SH3PXD2B: variants seen among roughly 807,000 people sequenced by gnomAD.
The protein encoded by SH3PXD2B is SH3 and PX domain-containing protein 2B.
Under a neutral mutation model 73.1 loss-of-function variants are expected in SH3PXD2B, and 37 were observed. The observed-to-expected ratio is 0.51, with a 90% confidence interval of 0.39 to 0.67. The LOEUF is 0.67. SH3PXD2B is among the 30% of genes least tolerant of loss of function. The pLI, the probability that SH3PXD2B is intolerant of heterozygous loss-of-function variation, is 0.00. For synonymous variants in SH3PXD2B, 457 were observed against 480.5 expected (o/e 0.95, Z 0.64); for missense variants, 1,053 against 1,197.8 (o/e 0.88, Z 1.78).
intron 4 of SH3PXD2B, among the ~76,000 whole-genome samples, chr5:172,382,896 T>TTG: frequency 9.3e-6 from 1 of 107,524 alleles, no homozygotes; most frequent in Non-Finnish European, 1.8e-5. Context: ...GCCTGGCTAA[T>TTG]TTTTTTTTTT....
chr5:172,401,956 C>G (rs952502742), intron 3 of SH3PXD2B, among the ~76,000 whole-genome samples: 1 of 152,172 alleles, frequency 6.6e-6, no homozygotes, highest in Non-Finnish European at 1.5e-5. Flanking sequence ...ATCTGGGCAC[C>G]TTGAAAAAAG....
chr5:172,335,770 C>T lies in SH3PXD2B; in HGVS notation c.*2599G>A, dbSNP rs1028429665. 4.9e-6 allele frequency: 6 copies of T among 1,230,672 alleles called. No homozygotes were observed. In the African/African-American group the frequency reaches 9.3e-5, roughly 19 times the overall value. 76.2% of individuals were successfully genotyped at this position (1,230,672 alleles called of 1,614,324 possible). A position where few individuals can be genotyped will look rare whatever the true frequency, so the allele number is the denominator to read the frequency against. ...GGACAGCTAGGAGAGTGACTGGCCA[C>T]CCTGACCCACCCACTGCCTGGGGAA... On this transcript the variant is annotated 3_prime_UTR_variant, in exon 13 of 13. Coordinates refer to ENST00000311601, the MANE Select transcript of SH3PXD2B (RefSeq NM_001017995.3).
In SH3PXD2B at chr5:172,353,775, C is replaced by T. The variant is rs1757210145; in HGVS notation, c.785+113G>A. On this transcript the variant is annotated intron_variant, in intron 9 of 12. Coordinates refer to ENST00000311601, the MANE Select transcript of SH3PXD2B (RefSeq NM_001017995.3). The surrounding 1 kb of genome is among the most constrained non-coding windows in gnomAD (Gnocchi z 4.3). ...CCTTTTATGGTTCAGGCGGAAACTT[C>T]GCCCAGATGCAATCACTTACCGACC... 8.3e-6 allele frequency: 7 copies of T among 839,964 alleles called. 1 individual carries two copies. The highest frequency in any genetic ancestry group is 6.6e-5 in the African/African-American group (4 of 60,182). 52.0% of individuals were successfully genotyped at this position (839,964 alleles called of 1,614,324 possible).
chr5:172,338,030 G>A lies in SH3PXD2B; in HGVS notation c.*339C>T. On this transcript the variant is annotated 3_prime_UTR_variant, in exon 13 of 13. Transcript: ENST00000311601. The surrounding 1 kb of genome is among the most constrained non-coding windows in gnomAD (Gnocchi z 5.1). ...CCTTGCTGGAGTTTCTCCAGGCAAT[G>A]GGATCCAGTCCTGGAGGTCTTGGAG... The A allele has an allele frequency of 1.6e-6, 2 of 1,235,080 alleles. No individual in the cohort carries two copies. The highest frequency in any genetic ancestry group is 2.0e-6 in the Non-Finnish European group (2 of 978,806). 76.5% of individuals were successfully genotyped at this position (1,235,080 alleles called of 1,614,324 possible).
chr5:172,360,625 A>T (rs1757375837), intron 7 of SH3PXD2B, among the ~76,000 whole-genome samples: 1 of 152,206 alleles, frequency 6.6e-6, no homozygotes, highest in Non-Finnish European at 1.5e-5. Context: ...TGAGGTCAGT[A>T]GTTCGAGACC....
At chr5:172,416,696 CTTTTT>C (rs202242720) in intron 2 of SH3PXD2B, among the ~76,000 whole-genome samples, 2 of 62,262 alleles carry the variant, frequency 3.2e-5, no homozygotes, top group Admixed American at 2.1e-4. Flanking sequence ...CTCTCTCTCT[CTTTTT>C]TTTTTTTTTT....
At chr5:172,395,995 T>G (rs1758286852) in intron 3 of SH3PXD2B, among the ~76,000 whole-genome samples, 1 of 151,968 alleles carries the variant, frequency 6.6e-6, no homozygotes, top group African/African-American at 2.4e-5. Context: ...TCTAAGACGG[T>G]TTCTGGTGAG....
chr5:172,359,348 C>T (rs970543309), intron 7 of SH3PXD2B, among the ~76,000 whole-genome samples: 12 of 144,506 alleles, frequency 8.3e-5, no homozygotes, highest in Non-Finnish European at 1.5e-5. Flanking sequence ...GATTGTGCCA[C>T]TGCACTCCAG....
At chr5:172,436,954 G>T (rs1759403156) in intron 1 of SH3PXD2B, among the ~76,000 whole-genome samples, 1 of 152,222 alleles carries the variant, frequency 6.6e-6, no homozygotes, top group Non-Finnish European at 1.5e-5. Flanking sequence ...TCAGAAGGCA[G>T]CTAGCTGTTA....
In SH3PXD2B at chr5:172,335,235, G is replaced by T; in HGVS notation, c.*3134C>A. On this transcript the variant is annotated 3_prime_UTR_variant, in exon 13 of 13. Coordinates refer to ENST00000311601, the MANE Select transcript of SH3PXD2B (RefSeq NM_001017995.3). ...CACAATTGTGTTAATAAGCAGGGGT[G>T]AGGGGAAGAAAAAAAAATCTCTGCC... The T allele has an allele frequency of 9.5e-7, 1 of 1,052,210 alleles. No homozygotes were observed. The highest frequency in any genetic ancestry group is 1.1e-6 in the Non-Finnish European group (1 of 874,188). 65.2% of individuals were successfully genotyped at this position (1,052,210 alleles called of 1,614,324 possible).
Position 172,346,148 on chromosome 5 carries a change from G to A in SH3PXD2B, c.1176C>T (p.Gly392=), listed in dbSNP as rs752045016. 5 of 1,614,112 alleles carry A rather than the reference G, an allele frequency of 3.1e-6. No homozygotes were observed. In the South Asian group the frequency reaches 4.4e-5, roughly 14 times the overall value. ...TIPDGISFQA[G]LKVEVIEKNL... is the part of the protein sequence containing the mutation. Reference sequence around the variant, plus strand: ...CAGGGCCACTCACCTCGACCTTCAGGCCTGCCTGGAAGCTGATGCCGTCTG... The same window carrying A: ...CAGGGCCACTCACCTCGACCTTCAGACCTGCCTGGAAGCTGATGCCGTCTG... The change falls in exon 12 of 13, where the codon GGC becomes GGT. Residue 392 remains glycine, a synonymous_variant. Transcript: ENST00000311601.
Position 172,383,520 on chromosome 5 carries a change from C to T in SH3PXD2B, c.310-1393G>A, listed in dbSNP as rs114601678. On this transcript the variant is annotated intron_variant, in intron 4 of 12. Transcript: ENST00000311601. ...ACATGGCCATCATGAATAAACAGCT[C>T]AGTTTAACAAATATTTACTTAAGCC... Among the ~76,000 whole-genome samples the T allele has an allele frequency of 6.0e-3, 920 of 152,340 alleles. 10 individuals carry two copies. Among genetic ancestry groups the T allele is most frequent in the African/African-American group, 0.021 (872 of 41,588 alleles).
At chr5:172,347,582 TC>T (rs1757025038) in intron 10 of SH3PXD2B, among the ~76,000 whole-genome samples, 1 of 151,932 alleles carries the variant, frequency 6.6e-6, no homozygotes, top group Non-Finnish European at 1.5e-5. Context: ...TGGTGCTGGA[TC>T]CTCAAGTCAT....
intron 4 of SH3PXD2B, 35 bp from the exon 5 acceptor site, chr5:172,382,162 G>C (rs760709339): frequency 6.5e-7 from 1 of 1,540,828 alleles, no homozygotes; most frequent in East Asian, 2.3e-5. Flanking sequence ...TGCAAAGGAG[G>C]AGAGGGGGCT....
chr5:172,350,696 G>T, intron 9 of SH3PXD2B, 107 bp from the exon 10 acceptor site: 3 of 1,089,426 alleles, frequency 2.8e-6, no homozygotes, highest in East Asian at 2.6e-5. Flanking sequence ...CAGGAACGAC[G>T]GGTTGTGACT....
chr5:172,386,655 G>C (rs1173587069), intron 4 of SH3PXD2B, among the ~76,000 whole-genome samples: 1 of 152,116 alleles, frequency 6.6e-6, no homozygotes, highest in African/African-American at 2.4e-5. Context: ...TTTTGAGACA[G>C]GGTCTGGCTC....
chr5:172,352,399 G>T (rs1355174080), intron 9 of SH3PXD2B, among the ~76,000 whole-genome samples: 1 of 151,928 alleles, frequency 6.6e-6, no homozygotes, highest in Non-Finnish European at 1.5e-5. Context: ...TAATTTAAAA[G>T]ATTTTTATGT....
In SH3PXD2B at chr5:172,338,310, T is replaced by A; in HGVS notation, c.*59A>T. On this transcript the variant is annotated 3_prime_UTR_variant, in exon 13 of 13. Coordinates refer to ENST00000311601, the MANE Select transcript of SH3PXD2B (RefSeq NM_001017995.3). This position sits in a 1 kb window ranked among gnomAD's most constrained non-coding sequence, Gnocchi z 5.1. ...GAGAATGATAAATTAAGAGGCGTAT[T>A]AAATACGTGGGTAAAGCCAGCAAGG... is the stretch of plus-strand genomic sequence containing the variant. 6.2e-7 allele frequency: 1 copy of A among 1,612,400 alleles called. No homozygotes were observed. The highest frequency in any genetic ancestry group is 2.2e-5 in the East Asian group (1 of 44,864).
chr5:172,341,548 C>T (rs1217627306), intron 12 of SH3PXD2B, among the ~76,000 whole-genome samples: 1 of 152,202 alleles, frequency 6.6e-6, no homozygotes, highest in Non-Finnish European at 1.5e-5. Context: ...CCCTGAGCCT[C>T]CCCAGAAGGC....
Sources: allele counts gnomAD v4.1 joint callset (sites outside exome capture counted in the v4.1 genomes callset), GRCh38; gene constraint gnomAD v4.1.1; non-coding constraint Gnocchi (gnomAD v3.1); transcripts MANE v1.5; gene names NCBI Gene and HGNC (gene_info 2026-07-23, HGNC 2026-07-21).